Variants in BCLAF3 observed in about 807,000 individuals in gnomAD.
BCLAF3 encodes the protein BCLAF1 and THRAP3 family member 3.
BCLAF3 carries 24 observed loss-of-function variants against 51.2 expected under a neutral mutation model. The ratio of observed to expected loss-of-function variants is 0.47; its 90% confidence interval spans 0.34 to 0.66. The LOEUF (loss-of-function observed/expected upper bound fraction) is 0.66, where lower values mean the gene tolerates loss of function less well. BCLAF3 is among the 30% of genes least tolerant of loss of function. The probability of loss-of-function intolerance (pLI) is 0.01; values close to 1 mark genes in which losing one functional copy is unlikely to be tolerated. For missense variants in BCLAF3, 465 were observed against 525.1 expected, an observed-to-expected ratio of 0.89 and a Z score of 1.12; for synonymous variants, 152 against 176.6, an observed-to-expected ratio of 0.86 and a Z score of 1.10.
At position 19,966,656 on chromosome X, in the gene BCLAF3, A is replaced by G. The variant is rs774132104; in HGVS notation, c.42-7T>C. 7.6e-6 allele frequency: 9 copies of G among 1,191,603 alleles called. No homozygotes were observed. Among genetic ancestry groups the G allele is most frequent in the Non-Finnish European group, 7.9e-6 (7 of 882,324 alleles). On this transcript the variant is annotated splice_region_variant and splice_polypyrimidine_tract_variant and intron_variant, in intron 2 of 11. Coordinates refer to ENST00000379682, the MANE Select transcript of BCLAF3 (RefSeq NM_001367774.2). ...AGGTACTGGTGATAAAGACCTATGT[A>G]AACAAACACAGAAAAGTGTAAACCA...
chrX:19,953,757 A>G, intron 6 of BCLAF3, 21 bp downstream of exon 6: 1 of 1,146,756 alleles, frequency 8.7e-7, no homozygotes. Context: ...AAATGGGTAT[A>G]ATATGGTAAT....
At chrX:19,941,144 T>G (rs1477349626) in intron 8 of BCLAF3, among the ~76,000 whole-genome samples, 7 of 109,645 alleles carry the variant, frequency 6.4e-5, no homozygotes, top group Non-Finnish European at 1.3e-4. Flanking sequence ...TAAATTTGTT[T>G]GAGTTCATTG....
intron 4 of BCLAF3, among the ~76,000 whole-genome samples, chrX:19,961,640 C>T (rs1452465877): frequency 8.9e-6 from 1 of 112,376 alleles, no homozygotes; most frequent in Non-Finnish European, 1.9e-5. Flanking sequence ...CATAATTCTA[C>T]TGAGGGCATT....
intron 11 of BCLAF3, among the ~76,000 whole-genome samples, chrX:19,926,084 T>C (rs2070345814): frequency 9.0e-6 from 1 of 111,559 alleles, no homozygotes. Context: ...AGTAGCCAGA[T>C]TGGAAAACTC....
intron 8 of BCLAF3, among the ~76,000 whole-genome samples, chrX:19,945,062 C>G (rs979231893): frequency 1.8e-5 from 2 of 108,993 alleles, no homozygotes; most frequent in African/African-American, 3.4e-5. Flanking sequence ...TCCAGTTGAT[C>G]GCATCGGCTC....
In BCLAF3 at chrX:19,982,561, ACACACACACACACACACACACACG is replaced by A. The variant is rs1449767132; in HGVS notation, c.-35+8323_-35+8346del. Among the ~76,000 whole-genome samples, 4 of 108,097 alleles carry A rather than the reference ACACACACACACACACACACACACG, an allele frequency of 3.7e-5. 1 individual carries two copies. Among genetic ancestry groups the A allele is most frequent in the African/African-American group, 1.4e-4 (4 of 29,482 alleles). The allele number at this position is 108,097 out of a possible 115,157, so 93.9% of individuals were successfully genotyped here. A position where few individuals can be genotyped will look rare whatever the true frequency, so the allele number is the denominator to read the frequency against. On this transcript the variant is annotated intron_variant, in intron 1 of 11. Coordinates refer to ENST00000379682, the MANE Select transcript of BCLAF3 (RefSeq NM_001367774.2). ...CATAGATGCAATTTCACACACACACACACACACACACACACACACACACGCACACACACACACATGCACAGAAAA... is the reference window on the plus strand; with the variant it reads ...CATAGATGCAATTTCACACACACACACACACACACACACATGCACAGAAAA...
chrX:19,922,346 T>A lies in BCLAF3; in HGVS notation c.2107-5012A>T, dbSNP rs373260737. On this transcript the variant is annotated intron_variant, in intron 11 of 11. Transcript: ENST00000379682. Reference sequence around the variant, plus strand: ...ATCTATGTAATCATATAAATAGGGTTTCTCAGCACTTATATCTATAAAAAG... The same window carrying A: ...ATCTATGTAATCATATAAATAGGGTATCTCAGCACTTATATCTATAAAAAG... Among the ~76,000 whole-genome samples, 30 of 111,801 alleles carry A rather than the reference T, an allele frequency of 2.7e-4. No homozygotes were observed. The South Asian group carries it at 0.011, about 40-fold the overall frequency.
intron 11 of BCLAF3, among the ~76,000 whole-genome samples, chrX:19,920,813 C>A: frequency 9.7e-6 from 1 of 103,096 alleles, no homozygotes. Flanking sequence ...AGAGTGAGAC[C>A]CTGTCTAAAA....
chrX:19,940,852 T>C (rs1397243916), intron 8 of BCLAF3, among the ~76,000 whole-genome samples: 1 of 111,719 alleles, frequency 9.0e-6, no homozygotes, highest in Non-Finnish European at 1.9e-5. Context: ...CCACACTGAC[T>C]TCCACTATGG....
chrX:19,964,369 T>G (rs1295448936), intron 4 of BCLAF3, among the ~76,000 whole-genome samples: 1 of 112,123 alleles, frequency 8.9e-6, no homozygotes, highest in African/African-American at 3.2e-5. Flanking sequence ...AACAGTCTAT[T>G]TTTTTAAAGA....
At chrX:19,986,956 C>T (rs760025972) in intron 1 of BCLAF3, among the ~76,000 whole-genome samples, 87 of 109,913 alleles carry the variant, frequency 7.9e-4, no homozygotes, top group African/African-American at 2.4e-3. Flanking sequence ...GTGCATACCC[C>T]ATACCCAGCT....
At chrX:19,969,226 G>C (rs1180897533) in intron 2 of BCLAF3, among the ~76,000 whole-genome samples, 1 of 112,759 alleles carries the variant, frequency 8.9e-6, no homozygotes, top group Non-Finnish European at 1.9e-5. Flanking sequence ...CATTGCAAGT[G>C]GCTCCTGTGA....
In BCLAF3 at chrX:19,917,177, A is replaced by C. The variant is rs1431748789; in HGVS notation, c.*128T>G. The C allele has an allele frequency of 3.2e-6, 2 of 621,442 alleles. No individual in the cohort carries two copies. Among genetic ancestry groups the C allele is most frequent in the Non-Finnish European group, 5.1e-6 (2 of 392,485 alleles). 51.2% of individuals were successfully genotyped at this position (621,442 alleles called of 1,213,427 possible). ...AAAAGTTGCAGCATTCCACTACTAA[A>C]AAATAAAGTTATTTTATCAAGAAGT... is the stretch of plus-strand genomic sequence containing the variant. On this transcript the variant is annotated 3_prime_UTR_variant, in exon 12 of 12. Transcript: ENST00000379682.
chrX:19,948,319 A>G (rs887893860), intron 8 of BCLAF3, among the ~76,000 whole-genome samples: 6 of 112,661 alleles, frequency 5.3e-5, no homozygotes, highest in African/African-American at 1.9e-4. Flanking sequence ...TCAACTGGTG[A>G]ATGGATAAAG....
In BCLAF3 at chrX:19,941,178, G is replaced by T. The variant is rs937343893; in HGVS notation, c.1746-3646C>A. Among the ~76,000 whole-genome samples, 56 of 108,681 alleles carry T rather than the reference G, an allele frequency of 5.2e-4. No homozygotes were observed. In the Middle Eastern group the frequency reaches 0.014, roughly 27 times the overall value. The allele number at this position is 108,681 out of a possible 115,157, so 94.4% of individuals were successfully genotyped here. On this transcript the variant is annotated intron_variant, in intron 8 of 11. Coordinates refer to ENST00000379682, the MANE Select transcript of BCLAF3 (RefSeq NM_001367774.2). The stretch of plus-strand genomic sequence containing the variant: ...TGTAGATTCTGGATATTAGCCCTTT[G>T]TCAGATGAGTAGGTTGCGAAAACTT...
At chrX:19,919,408 G>A (rs774678917) in intron 11 of BCLAF3, among the ~76,000 whole-genome samples, 1 of 111,854 alleles carries the variant, frequency 8.9e-6, no homozygotes, top group Non-Finnish European at 1.9e-5. Context: ...TTAGCTGAGC[G>A]TCATAGTGGG....
intron 1 of BCLAF3, among the ~76,000 whole-genome samples, chrX:19,980,416 G>A (rs753252148): frequency 2.7e-5 from 3 of 111,911 alleles, no homozygotes; most frequent in Non-Finnish European, 5.6e-5. Context: ...CAGTCACGAA[G>A]TTCCTTAAAC....
At position 19,934,469 on chromosome X, in the gene BCLAF3, C is replaced by T. The variant is rs752744258; in HGVS notation, c.1950+1340G>A. Among the ~76,000 whole-genome samples, 6 of 111,930 alleles carry T rather than the reference C, an allele frequency of 5.4e-5. 1 individual carries two copies. The highest frequency in any genetic ancestry group is 3.7e-4 in the South Asian group (1 of 2,731). ...TGGTATAAAACATGTATATATTCTACGGCCGTAATTATTTTTAAAAACTTC... is the reference window on the plus strand; with the variant it reads ...TGGTATAAAACATGTATATATTCTATGGCCGTAATTATTTTTAAAAACTTC... On this transcript the variant is annotated intron_variant, in intron 10 of 11. Coordinates refer to ENST00000379682, the MANE Select transcript of BCLAF3 (RefSeq NM_001367774.2).
chrX:19,951,803 CT>C (rs978544672), intron 7 of BCLAF3, among the ~76,000 whole-genome samples: 1 of 109,744 alleles, frequency 9.1e-6, no homozygotes, highest in Non-Finnish European at 1.9e-5. Context: ...TAGTGCATGT[CT>C]ATAGTCCTAG....
Sources: allele counts gnomAD v4.1 joint callset (sites outside exome capture counted in the v4.1 genomes callset), GRCh38; gene constraint gnomAD v4.1.1; transcripts MANE v1.5; gene names NCBI Gene and HGNC (gene_info 2026-07-23, HGNC 2026-07-21).